The following NRXN3 variants were observed in gnomAD, a reference collection of about 807,000 sequenced individuals.
NRXN3 encodes the protein neurexin III.
In NRXN3, 32 loss-of-function variants were observed where a neutral mutation model predicts 137.6. That is an observed-to-expected ratio of 0.23 (90% CI 0.18 to 0.31). The LOEUF is 0.31. Among genes scored for constraint, NRXN3 ranks in the 10% least tolerant of loss-of-function variants. NRXN3 has a pLI of 1.00. For synonymous variants in NRXN3, 798 were observed against 784.5 expected (o/e 1.02, Z -0.29); for missense variants, 1,574 against 2,062.5 (o/e 0.76, Z 4.59).
chr14:78,441,582 T>TA (rs61667354), intron 4 of NRXN3, among the ~76,000 whole-genome samples: 6,477 of 121,862 alleles, frequency 0.053, 325 homozygotes, highest in African/African-American at 0.18. Flanking sequence ...TTCATATTAT[T>TA]TTTTTTTTTT....
chr14:78,475,748 G>C (rs762280746), intron 4 of NRXN3, among the ~76,000 whole-genome samples: 1 of 152,172 alleles, frequency 6.6e-6, no homozygotes, highest in Non-Finnish European at 1.5e-5. Context: ...ACATGATCAA[G>C]AAGAGGACAT....
chr14:79,370,152 C>A (rs1394445572), intron 15 of NRXN3, among the ~76,000 whole-genome samples: 1 of 152,150 alleles, frequency 6.6e-6, no homozygotes, highest in Non-Finnish European at 1.5e-5. Context: ...TAAGGAAGAA[C>A]AGCCCCAATT....
chr14:79,731,540 C>A (rs1049496165), intron 19 of NRXN3, among the ~76,000 whole-genome samples: 2 of 152,066 alleles, frequency 1.3e-5, no homozygotes, highest in East Asian at 1.9e-4. Context: ...ACCATTTAAG[C>A]ACAAATAAAA....
At chr14:79,096,080 T>C (rs1340048686) in intron 15 of NRXN3, among the ~76,000 whole-genome samples, 2 of 151,952 alleles carry the variant, frequency 1.3e-5, no homozygotes, top group Non-Finnish European at 2.9e-5. Context: ...CCTGCCTCTC[T>C]CTTTTTTGAT....
At chr14:79,457,294 CAAAT>C (rs1437173625) in intron 15 of NRXN3, among the ~76,000 whole-genome samples, 4 of 152,238 alleles carry the variant, frequency 2.6e-5, no homozygotes, top group African/African-American at 7.2e-5. Flanking sequence ...AAAAAACAAA[CAAAT>C]AAACTTGAGG....
chr14:79,599,963 C>A (rs1233252263), intron 16 of NRXN3, among the ~76,000 whole-genome samples: 1 of 151,950 alleles, frequency 6.6e-6, no homozygotes, highest in African/African-American at 2.4e-5. Flanking sequence ...TCACTGCACT[C>A]CAGCCTAGGC....
chr14:79,112,970 A>G (rs1351846841), intron 15 of NRXN3, among the ~76,000 whole-genome samples: 1 of 152,200 alleles, frequency 6.6e-6, no homozygotes, highest in Non-Finnish European at 1.5e-5. Context: ...CCTAAAATTC[A>G]CATTGTACAA....
intron 8 of NRXN3, among the ~76,000 whole-genome samples, chr14:78,782,240 C>T (rs1018665817): frequency 6.6e-6 from 1 of 152,184 alleles, no homozygotes; most frequent in African/African-American, 2.4e-5. Context: ...TAGAGTAGAA[C>T]CTGAAAGGAG....
chr14:78,358,848 G>A (rs1276086253), intron 4 of NRXN3, among the ~76,000 whole-genome samples: 1 of 152,180 alleles, frequency 6.6e-6, no homozygotes, highest in East Asian at 1.9e-4. Flanking sequence ...CAAGCTCTGG[G>A]CCAGTGCCCA....
At chr14:78,361,541 T>C (rs1412306576) in intron 4 of NRXN3, among the ~76,000 whole-genome samples, 1 of 152,202 alleles carries the variant, frequency 6.6e-6, no homozygotes, top group Non-Finnish European at 1.5e-5. Context: ...TCTTGTGCTA[T>C]ATTGATTTTG....
chr14:78,946,029 T>C (rs2099364436), intron 10 of NRXN3, among the ~76,000 whole-genome samples: 1 of 152,230 alleles, frequency 6.6e-6, no homozygotes, highest in South Asian at 2.1e-4. Context: ...GGTGGACCTA[T>C]TCGGAAGAGG....
At chr14:79,650,385 T>C (rs1567775732) in intron 16 of NRXN3, among the ~76,000 whole-genome samples, 1 of 152,188 alleles carries the variant, frequency 6.6e-6, no homozygotes, top group Non-Finnish European at 1.5e-5. Context: ...TCATTTCTCT[T>C]TTGTCCCCAT....
At chr14:78,542,126 G>T (rs929427491) in intron 4 of NRXN3, among the ~76,000 whole-genome samples, 4 of 152,206 alleles carry the variant, frequency 2.6e-5, no homozygotes, top group African/African-American at 7.2e-5. Context: ...CTACACGGGG[G>T]TCAGGGACCA....
intron 15 of NRXN3, among the ~76,000 whole-genome samples, chr14:79,095,029 A>G (rs977097344): frequency 2.4e-4 from 36 of 149,070 alleles, no homozygotes; most frequent in Admixed American, 2.4e-3. Flanking sequence ...AAAAATATCA[A>G]TGCATCAAAA....
At chr14:78,953,209 T>G (rs3817535) in intron 10 of NRXN3, among the ~76,000 whole-genome samples, 32,948 of 152,152 alleles carry the variant, frequency 0.22, 4,628 homozygotes, top group East Asian at 0.46. Context: ...CACTCTGATT[T>G]TCTGTCTGCC....
At chr14:79,429,942 A>G (rs189601455) in intron 15 of NRXN3, among the ~76,000 whole-genome samples, 48 of 152,230 alleles carry the variant, frequency 3.2e-4, no homozygotes, top group East Asian at 1.2e-3. Context: ...CAGGTTGCCT[A>G]TAAGTTATTC....
Position 78,297,412 on chromosome 14 carries a change from T to TAGA in NRXN3, c.728-418_728-417insGAA, listed in dbSNP as rs2076453058. Among the ~76,000 whole-genome samples, 5 of 152,354 alleles carry TAGA rather than the reference T, an allele frequency of 3.3e-5. No individual in the cohort carries two copies. In the South Asian group the frequency reaches 1.0e-3, roughly 32 times the overall value. On this transcript the variant is annotated intron_variant, in intron 3 of 20. Coordinates refer to ENST00000335750, the MANE Select transcript of NRXN3 (RefSeq NM_001330195.2). ...TTCCCAAGTTTCTACAGTGACCATG[T>TAGA]ATTGCTATTACAAGTAATTTAAAAG...
intron 15 of NRXN3, among the ~76,000 whole-genome samples, chr14:79,116,833 G>T (rs973995092): frequency 6.6e-6 from 1 of 152,140 alleles, no homozygotes; most frequent in Non-Finnish European, 1.5e-5. Flanking sequence ...TAGCAGGGTC[G>T]TTAGATAATG....
intron 4 of NRXN3, among the ~76,000 whole-genome samples, chr14:78,336,981 C>T (rs776933350): frequency 6.6e-6 from 1 of 152,192 alleles, no homozygotes; most frequent in Non-Finnish European, 1.5e-5. Flanking sequence ...CAGGTCCTCT[C>T]TGATTTTCTA....
Sources: allele counts gnomAD v4.1 joint callset (sites outside exome capture counted in the v4.1 genomes callset), GRCh38; gene constraint gnomAD v4.1.1; transcripts MANE v1.5; gene names NCBI Gene and HGNC (gene_info 2026-07-23, HGNC 2026-07-21).